The following RRAS2 variants were observed in gnomAD, a reference collection of about 807,000 sequenced individuals.
RRAS2 encodes RAS related 2, also known as ras-related protein R-Ras2.
RRAS2 carries 7 observed loss-of-function variants against 27.6 expected under a neutral mutation model. The ratio of observed to expected loss-of-function variants is 0.25; its 90% CI spans 0.14 to 0.48. The LOEUF (loss-of-function observed/expected upper bound fraction) is 0.48, where lower values mean the gene tolerates loss of function less well. Ranked by LOEUF, RRAS2 falls within the 20% of genes least tolerant of loss-of-function variation. RRAS2 has a pLI of 0.99. For missense variants in RRAS2, 178 were observed against 256.2 expected (o/e 0.69, Z 2.08); for synonymous variants, 86 against 90.9 (o/e 0.95, Z 0.31).
intron 1 of RRAS2, among the ~76,000 whole-genome samples, chr11:14,329,466 A>G (rs1564974269): frequency 6.6e-6 from 1 of 152,176 alleles, no homozygotes; most frequent in Non-Finnish European, 1.5e-5. Flanking sequence ...GAATCAAGTT[A>G]GGCTTTTAGA....
intron 4 of RRAS2, among the ~76,000 whole-genome samples, chr11:14,282,200 A>C (rs926360304): frequency 3.3e-5 from 5 of 152,172 alleles, no homozygotes; most frequent in Non-Finnish European, 4.4e-5. Flanking sequence ...GAACTAAAAG[A>C]AGCGTCACAT....
intron 1 of RRAS2, among the ~76,000 whole-genome samples, chr11:14,297,592 T>C (rs1847585024): frequency 1.3e-5 from 2 of 151,928 alleles, no homozygotes; most frequent in South Asian, 4.2e-4. Flanking sequence ...TGAGACCGCA[T>C]CTCCACGAAA....
intron 1 of RRAS2, among the ~76,000 whole-genome samples, chr11:14,346,297 A>G (rs1554954054): frequency 6.6e-6 from 1 of 152,252 alleles, no homozygotes; most frequent in East Asian, 1.9e-4. Flanking sequence ...GATAACTGAA[A>G]AAAATGAATA....
intron 1 of RRAS2, among the ~76,000 whole-genome samples, chr11:14,331,740 A>G (rs561052968): frequency 1.3e-5 from 2 of 151,948 alleles, no homozygotes; most frequent in South Asian, 2.1e-4. Context: ...AAGTATTAAA[A>G]GGGAAGGAAC....
chr11:14,357,755 T>G (rs782259363), intron 1 of RRAS2, among the ~76,000 whole-genome samples: 1 of 152,238 alleles, frequency 6.6e-6, no homozygotes, highest in Non-Finnish European at 1.5e-5. Context: ...CTCTAGATAC[T>G]GTGAAAAATA....
At chr11:14,341,705 A>AAAATTTTTTTTTT in intron 1 of RRAS2, 1 of 329,486 alleles carries the variant, frequency 3.0e-6, no homozygotes, top group Middle Eastern at 4.0e-4. Context: ...ACAGCTAAAA[A>AAAATTTTTTTTTT]TTTCCATTTG....
intron 1 of RRAS2, among the ~76,000 whole-genome samples, chr11:14,342,549 G>A (rs1488997451): frequency 2.0e-5 from 3 of 152,052 alleles, no homozygotes; most frequent in Admixed American, 1.3e-4. Flanking sequence ...TTCAGTTACC[G>A]CATTGTATAG....
chr11:14,310,214 A>T (rs1554948681), intron 1 of RRAS2, among the ~76,000 whole-genome samples: 2 of 152,224 alleles, frequency 1.3e-5, no homozygotes, highest in Admixed American at 6.5e-5. Context: ...CTGGTGGGGT[A>T]GAGAATGGAG....
At chr11:14,325,476 T>A (rs1273463168) in intron 1 of RRAS2, among the ~76,000 whole-genome samples, 1 of 152,138 alleles carries the variant, frequency 6.6e-6, no homozygotes, top group Non-Finnish European at 1.5e-5. Flanking sequence ...GCTTTTTGTA[T>A]TTTTAGCAGA....
chr11:14,342,382 T>C (rs1011432727), intron 1 of RRAS2, among the ~76,000 whole-genome samples: 2 of 152,214 alleles, frequency 1.3e-5, no homozygotes, highest in Non-Finnish European at 2.9e-5. Flanking sequence ...TCCTCATCTG[T>C]AGGATGGAAA....
At chr11:14,350,194 C>T (rs202019523) in intron 1 of RRAS2, among the ~76,000 whole-genome samples, 2 of 152,042 alleles carry the variant, frequency 1.3e-5, no homozygotes, top group East Asian at 3.9e-4. Flanking sequence ...TTTTTTTTCA[C>T]TGACTGTAAG....
chr11:14,357,789 G>A (rs1042233946), intron 1 of RRAS2, among the ~76,000 whole-genome samples: 1 of 152,118 alleles, frequency 6.6e-6, no homozygotes, highest in East Asian at 1.9e-4. Context: ...TTATAACAGG[G>A]TACCTTCGTT....
Position 14,339,293 on chromosome 11 carries a change from A to AAG in RRAS2, c.108+19469_108+19470insCT, listed in dbSNP as rs1491545111. Reference sequence around the variant, plus strand: ...TGTCTCTACCAAAAAAAAAAAAAAAAGGGGGGGGGGGGAAGAAAAAATCTA... The same window carrying AAG: ...TGTCTCTACCAAAAAAAAAAAAAAAAAGGGGGGGGGGGGGAAGAAAAAATCTA... On this transcript the variant is annotated intron_variant, in intron 1 of 5. Transcript: ENST00000256196. 6.8e-3 allele frequency among the ~76,000 whole-genome samples: 438 copies of AAG among 63,946 alleles called. 1 individual carries two copies. Among genetic ancestry groups the AAG allele is most frequent in the Middle Eastern group, 0.011 (1 of 88 alleles). The allele number at this position is 63,946 out of a possible 152,430, so 42.0% of individuals were successfully genotyped here. A position where few individuals can be genotyped will look rare whatever the true frequency, so the allele number is the denominator to read the frequency against.
intron 1 of RRAS2, among the ~76,000 whole-genome samples, chr11:14,319,643 C>T (rs571980390): frequency 6.6e-6 from 1 of 152,054 alleles, no homozygotes; most frequent in South Asian, 2.1e-4. Context: ...CAGGCGTGAG[C>T]CACCGCGCCC....
At chr11:14,343,772 A>T (rs553051849) in intron 1 of RRAS2, among the ~76,000 whole-genome samples, 1 of 151,650 alleles carries the variant, frequency 6.6e-6, no homozygotes, top group Non-Finnish European at 1.5e-5. Context: ...AGAAGGAGGT[A>T]GCAGTGAGCC....
At chr11:14,292,321 ACTGGAG>A (rs1554945889) in intron 4 of RRAS2, among the ~76,000 whole-genome samples, 11 of 152,056 alleles carry the variant, frequency 7.2e-5, no homozygotes, top group Non-Finnish European at 1.3e-4. Flanking sequence ...CTATTCCTTT[ACTGGAG>A]CTACCACCAT....
intron 1 of RRAS2, among the ~76,000 whole-genome samples, chr11:14,326,306 A>G (rs1184461211): frequency 1.3e-5 from 2 of 152,214 alleles, no homozygotes; most frequent in Non-Finnish European, 2.9e-5. Flanking sequence ...TGCTGCTGCT[A>G]TTGTGTAATT....
chr11:14,295,976 C>T, intron 1 of RRAS2, 121 bp from the exon 2 acceptor site: 1 of 768,252 alleles, frequency 1.3e-6, no homozygotes, highest in South Asian at 1.8e-5. Flanking sequence ...AGTTTGAGAC[C>T]AGCCTGGGCA....
chr11:14,356,884 T>A, intron 1 of RRAS2: 1 of 385,594 alleles, frequency 2.6e-6, no homozygotes. Flanking sequence ...GCCTCCCGGG[T>A]TCAAGCGATT....
Sources: allele counts gnomAD v4.1 joint callset (sites outside exome capture counted in the v4.1 genomes callset), GRCh38; gene constraint gnomAD v4.1.1; transcripts MANE v1.5; gene names NCBI Gene and HGNC (gene_info 2026-07-23, HGNC 2026-07-21).